Variants in APLF observed in about 807,000 individuals in gnomAD.
The protein encoded by APLF is aprataxin and PNKP like factor.
In APLF, 61 loss-of-function variants were observed where a neutral mutation model predicts 55.6. That is an observed-to-expected ratio of 1.10 (90% CI 0.89 to 1.36). The LOEUF is 1.36. Among genes scored for constraint, APLF ranks in the 40% most tolerant of loss-of-function variants. The pLI is 0.00. For synonymous variants in APLF, 207 were observed against 214.8 expected (o/e 0.96, Z 0.32); for missense variants, 611 against 602.5 (o/e 1.01, Z -0.15).
Position 68,572,296 on chromosome 2 carries a change from A to G in APLF, c.1333+4909A>G, listed in dbSNP as rs577353938. On this transcript the variant is annotated intron_variant, in intron 9 of 9. Coordinates refer to ENST00000303795, the MANE Select transcript of APLF (RefSeq NM_173545.3). Reference sequence around the variant, plus strand: ...CTAGTTGCTTAGTGCATTTAAAAAAATTACTCTTTAATAGTAAAATGAAGC... The same window carrying G: ...CTAGTTGCTTAGTGCATTTAAAAAAGTTACTCTTTAATAGTAAAATGAAGC... Among the ~76,000 whole-genome samples the G allele has an allele frequency of 1.7e-4, 26 of 152,298 alleles. No homozygotes were observed. The East Asian group carries it at 2.1e-3, about 12-fold the overall frequency.
chr2:68,574,142 A>G (rs11883721), intron 9 of APLF, among the ~76,000 whole-genome samples: 1,697 of 151,862 alleles, frequency 0.011, 35 homozygotes, highest in African/African-American at 0.039. Context: ...TAATGAGAAT[A>G]CGTGTGTTAT....
intron 7 of APLF, 24 bp from the exon 8 acceptor site, chr2:68,545,161 TGA>T: frequency 6.2e-7 from 1 of 1,604,674 alleles, no homozygotes; most frequent in South Asian, 1.1e-5. Context: ...TTTTTTTTTC[TGA>T]CAGTATATTT....
rs1247358361 is a variant in APLF, at chr2:68,579,571, A to C, written c.*1549A>C. On this transcript the variant is annotated 3_prime_UTR_variant, in exon 10 of 10. Transcript: ENST00000303795. ...TCAACTATCAACTGGGTGAATGGATAAGCAAAACGTGGTATATCTGTGCAA... is the reference window on the plus strand; with the variant it reads ...TCAACTATCAACTGGGTGAATGGATCAGCAAAACGTGGTATATCTGTGCAA... 1 of 201,116 alleles carries C rather than the reference A, an allele frequency of 5.0e-6. No individual in the cohort carries two copies. Among genetic ancestry groups the C allele is most frequent in the East Asian group, 1.8e-4 (1 of 5,418 alleles). The allele number at this position is 201,116 out of a possible 1,614,324, so 12.5% of individuals were successfully genotyped here.
In APLF at chr2:68,529,487, G is replaced by A. The variant is rs1256882346; in HGVS notation, c.804+3245G>A. ...CATTTTGAGCGAGTTGTGCACAGACGAAACTAAGGGTCAGAAGCGGAGAGG... is the reference window on the plus strand; with the variant it reads ...CATTTTGAGCGAGTTGTGCACAGACAAAACTAAGGGTCAGAAGCGGAGAGG... On this transcript the variant is annotated intron_variant, in intron 6 of 9. Coordinates refer to ENST00000303795, the MANE Select transcript of APLF (RefSeq NM_173545.3). This position sits in a 1 kb window ranked among gnomAD's most constrained non-coding sequence, Gnocchi z 4.4. 4.4e-5 allele frequency: 47 copies of A among 1,061,502 alleles called. No individual in the cohort carries two copies. Among genetic ancestry groups the A allele is most frequent in the Non-Finnish European group, 5.1e-5 (45 of 875,716 alleles). The allele number at this position is 1,061,502 out of a possible 1,614,324, so 65.8% of individuals were successfully genotyped here.
chr2:68,508,611 TAC>T (rs1410106401), intron 3 of APLF, among the ~76,000 whole-genome samples: 1 of 151,960 alleles, frequency 6.6e-6, no homozygotes, highest in Non-Finnish European at 1.5e-5. Flanking sequence ...GGGACTTCAT[TAC>T]ACTTAAAAGT....
At chr2:68,576,890 G>T (rs1198932776) in intron 9 of APLF, among the ~76,000 whole-genome samples, 1 of 152,118 alleles carries the variant, frequency 6.6e-6, no homozygotes, top group African/African-American at 2.4e-5. Context: ...CAGATTTCTA[G>T]ATGAAATCTT....
intron 6 of APLF, among the ~76,000 whole-genome samples, chr2:68,532,091 C>G (rs997824505): frequency 6.6e-6 from 1 of 152,094 alleles, no homozygotes; most frequent in African/African-American, 2.4e-5. Context: ...CCCAGCAGAG[C>G]CTTTCCAAAC....
chr2:68,468,752 A>C (rs955772904), intron 1 of APLF, among the ~76,000 whole-genome samples: 1 of 152,188 alleles, frequency 6.6e-6, no homozygotes, highest in Non-Finnish European at 1.5e-5. Flanking sequence ...AGATTCTAGC[A>C]CTGTGGGGCA....
At position 68,479,374 on chromosome 2, in the gene APLF, C is replaced by G. The variant is rs550188735; in HGVS notation, c.97-10816C>G. Among the ~76,000 whole-genome samples, 82 of 152,298 alleles carry G rather than the reference C, an allele frequency of 5.4e-4. 3 individuals are homozygous for G. The highest frequency in any genetic ancestry group is 4.9e-3 in the Admixed American group (75 of 15,298). On this transcript the variant is annotated intron_variant, in intron 1 of 9. Transcript: ENST00000303795. ...ATGCATGACTTCACAGGTTTTATGA[C>G]AAAGCCAATCAAATAAATTATGGAA...
intron 1 of APLF, among the ~76,000 whole-genome samples, chr2:68,487,511 G>C (rs1010319719): frequency 6.6e-6 from 1 of 152,052 alleles, no homozygotes; most frequent in Admixed American, 6.6e-5. Flanking sequence ...CAGATTTTGT[G>C]AAGACTGAAA....
At chr2:68,575,205 G>A (rs1671589020) in intron 9 of APLF, among the ~76,000 whole-genome samples, 1 of 152,180 alleles carries the variant, frequency 6.6e-6, no homozygotes, top group Admixed American at 6.6e-5. Flanking sequence ...GCCAAAGCTT[G>A]GAGGAGGGAG....
chr2:68,552,827 A>G (rs150218278), intron 8 of APLF, among the ~76,000 whole-genome samples: 216 of 152,260 alleles, frequency 1.4e-3, no homozygotes, highest in African/African-American at 5.1e-3. Context: ...ATGTCTGTAG[A>G]TACGTGTAGA....
chr2:68,510,265 A>T lies in APLF; in HGVS notation c.342-2815A>T, dbSNP rs1677006166. On this transcript the variant is annotated intron_variant, in intron 3 of 9. Coordinates refer to ENST00000303795, the MANE Select transcript of APLF (RefSeq NM_173545.3). The stretch of plus-strand genomic sequence containing the variant: ...AAAGAAAGTGAAAAGACAACCACAG[A>T]ATGAGAAAATATTTGTAAATCACAT... Among the ~76,000 whole-genome samples, 5 of 151,892 alleles carry T rather than the reference A, an allele frequency of 3.3e-5. 1 individual carries two copies. In the South Asian group the frequency reaches 1.0e-3, roughly 31 times the overall value.
chr2:68,557,373 T>C (rs1244257838), intron 8 of APLF, among the ~76,000 whole-genome samples: 1 of 152,208 alleles, frequency 6.6e-6, no homozygotes, highest in African/African-American at 2.4e-5. Flanking sequence ...CTGCAGTTGG[T>C]TGAATCTGCA....
intron 1 of APLF, among the ~76,000 whole-genome samples, chr2:68,481,816 T>G (rs1027058806): frequency 1.3e-5 from 2 of 152,118 alleles, no homozygotes; most frequent in South Asian, 2.1e-4. Flanking sequence ...TTTTCTTTTC[T>G]TTGGGTTATT....
chr2:68,550,838 T>A (rs1013971679), intron 8 of APLF, among the ~76,000 whole-genome samples: 1 of 152,194 alleles, frequency 6.6e-6, no homozygotes, highest in Non-Finnish European at 1.5e-5. Context: ...ACCATTGTTA[T>A]TATATAGTTA....
intron 7 of APLF, among the ~76,000 whole-genome samples, chr2:68,542,441 AT>A: frequency 6.7e-6 from 1 of 149,962 alleles, no homozygotes; most frequent in Admixed American, 6.6e-5. Flanking sequence ...ATAAAGAACT[AT>A]AACTAAACAA....
At chr2:68,477,658 C>T (rs561706663) in intron 1 of APLF, among the ~76,000 whole-genome samples, 2 of 152,134 alleles carry the variant, frequency 1.3e-5, no homozygotes, top group South Asian at 4.2e-4. Context: ...TGTTCTCACA[C>T]TGCTAATAAA....
chr2:68,480,393 C>A (rs538095051), intron 1 of APLF, among the ~76,000 whole-genome samples: 1 of 151,722 alleles, frequency 6.6e-6, no homozygotes, highest in East Asian at 1.9e-4. Context: ...CAACCTCCGT[C>A]TCCCAGATTC....
Sources: allele counts gnomAD v4.1 joint callset (sites outside exome capture counted in the v4.1 genomes callset), GRCh38; gene constraint gnomAD v4.1.1; non-coding constraint Gnocchi (gnomAD v3.1); transcripts MANE v1.5; gene names NCBI Gene and HGNC (gene_info 2026-07-23, HGNC 2026-07-21).